The following TRIM9 variants were observed in gnomAD, a reference collection of about 807,000 sequenced individuals.
TRIM9 encodes the protein tripartite motif containing 9, also known as E3 ubiquitin-protein ligase TRIM9.
In TRIM9, 26 loss-of-function variants were observed where a neutral mutation model predicts 78.3. The ratio of observed to expected loss-of-function variants is 0.33; its 90% CI spans 0.24 to 0.46. The LOEUF (loss-of-function observed/expected upper bound fraction) is 0.46. TRIM9 is among the 20% of genes least tolerant of loss of function. The probability of loss-of-function intolerance (pLI) is 1.00; values close to 1 mark genes in which losing one functional copy is unlikely to be tolerated. For synonymous variants in TRIM9, 398 were observed against 416.5 expected (o/e 0.96, Z 0.54); for missense variants, 787 against 1,036.4 (o/e 0.76, Z 3.30).
rs147815688 is a variant in TRIM9 at position 51,093,670 on chromosome 14, C to T, written c.822+448G>A. ...CCGCCTATCCAGCAGCGACAGACTCCCGCCGTCCGCGCGACCCCACCGCCC... is the reference window on the plus strand; with the variant it reads ...CCGCCTATCCAGCAGCGACAGACTCTCGCCGTCCGCGCGACCCCACCGCCC... On this transcript the variant is annotated intron_variant, in intron 1 of 12. Coordinates refer to ENST00000684578, the MANE Select transcript of TRIM9 (RefSeq NM_001387360.1). Among the ~76,000 whole-genome samples the T allele has an allele frequency of 3.3e-3, 510 of 152,344 alleles. 4 individuals carry two copies. The highest frequency in any genetic ancestry group is 4.9e-3 in the Non-Finnish European group (335 of 68,042).
chr14:50,996,550 T>C, intron 7 of TRIM9: 1 of 985,424 alleles, frequency 1.0e-6, no homozygotes, highest in Non-Finnish European at 1.2e-6. Context: ...TACAAATTTC[T>C]CTCTGCTCTG....
rs1566537244 is a variant in TRIM9 at position 50,979,373 on chromosome 14, G to A, written c.2325+14C>T. ...CCAGCAACAGCTGTTTAACCTCAGG[G>A]GCAGGGTGCTTACCTGCACGTTCCT... is the stretch of plus-strand genomic sequence containing the variant. On this transcript the variant is annotated intron_variant, in intron 12 of 12. Coordinates refer to ENST00000684578, the MANE Select transcript of TRIM9 (RefSeq NM_001387360.1). 1.9e-6 allele frequency: 3 copies of A among 1,614,178 alleles called. No individual in the cohort carries two copies. Among genetic ancestry groups the A allele is most frequent in the South Asian group, 2.2e-5 (2 of 91,074 alleles).
At chr14:51,050,065 T>A (rs1368715787) in intron 1 of TRIM9, among the ~76,000 whole-genome samples, 1 of 152,076 alleles carries the variant, frequency 6.6e-6, no homozygotes, top group Non-Finnish European at 1.5e-5. Flanking sequence ...TAGTGGGGGA[T>A]TGATATTGAT....
intron 3 of TRIM9, among the ~76,000 whole-genome samples, chr14:51,020,614 G>C (rs1168136467): frequency 6.6e-6 from 1 of 152,246 alleles, no homozygotes; most frequent in Non-Finnish European, 1.5e-5. Flanking sequence ...AGAGGACATA[G>C]TCACGCGATG....
chr14:51,081,782 G>T (rs748816174), intron 1 of TRIM9, among the ~76,000 whole-genome samples: 3 of 152,174 alleles, frequency 2.0e-5, no homozygotes, highest in Non-Finnish European at 4.4e-5. Flanking sequence ...GTTTATTATG[G>T]AGGATACAAC....
intron 1 of TRIM9, among the ~76,000 whole-genome samples, chr14:51,032,416 G>T (rs1433276165): frequency 1.3e-5 from 2 of 152,244 alleles, no homozygotes; most frequent in East Asian, 3.8e-4. Context: ...GATTACCCTA[G>T]GAATTGCTCT....
chr14:51,074,507 C>A (rs2062581969), intron 1 of TRIM9, among the ~76,000 whole-genome samples: 1 of 152,180 alleles, frequency 6.6e-6, no homozygotes, highest in African/African-American at 2.4e-5. Flanking sequence ...TGAGAAGGCA[C>A]AAGCATATTT....
At chr14:51,011,647 C>G (rs954981371) in intron 3 of TRIM9, among the ~76,000 whole-genome samples, 1 of 152,124 alleles carries the variant, frequency 6.6e-6, no homozygotes, top group Non-Finnish European at 1.5e-5. Context: ...TTAAAATGTT[C>G]CTTGTTCCTT....
In TRIM9 at chr14:50,997,361, C is replaced by T. The variant is rs1186481129; in HGVS notation, c.1603+689G>A. 4 of 985,264 alleles carry T rather than the reference C, an allele frequency of 4.1e-6. No individual in the cohort carries two copies. In the African/African-American group the frequency reaches 5.2e-5, roughly 13 times the overall value. 61.0% of individuals were successfully genotyped at this position (985,264 alleles called of 1,614,324 possible). On this transcript the variant is annotated intron_variant, in intron 7 of 12. Transcript: ENST00000684578. ...TCTAGAGATGAACCTTGTATGGTGG[C>T]TCTCGGTAGCCTAGCCAAGACTGAA...
intron 1 of TRIM9, among the ~76,000 whole-genome samples, chr14:51,067,137 A>G (rs1360594003): frequency 6.6e-6 from 1 of 152,180 alleles, no homozygotes; most frequent in Non-Finnish European, 1.5e-5. Context: ...ACAAAAAACA[A>G]CTATTAATAT....
At chr14:50,995,787 C>T (rs2054138530) in intron 7 of TRIM9, among the ~76,000 whole-genome samples, 1 of 152,022 alleles carries the variant, frequency 6.6e-6, no homozygotes, top group Admixed American at 6.6e-5. Context: ...AAAAAAATCT[C>T]TAAAGCAAAC....
intron 12 of TRIM9, 66 bp downstream of exon 12, chr14:50,979,321 G>A (rs761716659): frequency 5.6e-6 from 9 of 1,613,184 alleles, no homozygotes; most frequent in South Asian, 4.4e-5. Flanking sequence ...TGGATTGAAC[G>A]GCCCTGGGCA....
chr14:51,081,554 A>T (rs1427742560), intron 1 of TRIM9, among the ~76,000 whole-genome samples: 1 of 152,168 alleles, frequency 6.6e-6, no homozygotes, highest in Non-Finnish European at 1.5e-5. Context: ...ATTCAATCCT[A>T]TTCTGACACA....
chr14:50,982,070 T>C lies in TRIM9; in HGVS notation c.1892A>G (p.His631Arg). ...AWFAFDPGSAHSDIILSNDNL... is the reference protein window; with the variant it reads ...AWFAFDPGSARSDIILSNDNL... The stretch of plus-strand genomic sequence containing the variant: ...GTCATTGGAGAGGATGATGTCCGAG[T>C]GCGCCGAGCCAGGGTCGAAAGCAAA... The change falls in exon 11 of 13, where the codon CAC (histidine) becomes CGC (arginine). Residue 631 changes from histidine to arginine, a missense_variant. This residue lies in a region of TRIM9 where 421 missense variants were observed against 514.3 expected (regional missense o/e 0.82). Transcript: ENST00000684578. The C allele has an allele frequency of 1.2e-6, 2 of 1,614,002 alleles. No individual in the cohort carries two copies. The highest frequency in any genetic ancestry group is 1.7e-6 in the Non-Finnish European group (2 of 1,179,966).
rs1180905808 is a variant in TRIM9 at position 50,976,962 on chromosome 14, A to G, written c.*329T>C. ...TAAGTCACCAATAACCTGATCAGAA[A>G]AGAAAGAAAATATAACTCACCTACA... is the stretch of plus-strand genomic sequence containing the variant. On this transcript the variant is annotated 3_prime_UTR_variant, in exon 13 of 13. Transcript: ENST00000684578. 2.6e-5 allele frequency: 5 copies of G among 193,498 alleles called. No homozygotes were observed. Among genetic ancestry groups the G allele is most frequent in the East Asian group, 2.3e-4 (2 of 8,696 alleles). 12.0% of individuals were successfully genotyped at this position (193,498 alleles called of 1,614,324 possible). A position where few individuals can be genotyped will look rare whatever the true frequency, so the allele number is the denominator to read the frequency against.
At chr14:51,061,215 C>T (rs1315522909) in intron 1 of TRIM9, among the ~76,000 whole-genome samples, 1 of 151,900 alleles carries the variant, frequency 6.6e-6, no homozygotes, top group East Asian at 1.9e-4. Context: ...GAGTTTGAGA[C>T]CAGCCTGGCC....
rs116017431 is a variant in TRIM9 at position 51,030,274 on chromosome 14, G to A, written c.823-4914C>T. 9.3e-3 allele frequency among the ~76,000 whole-genome samples: 1,412 copies of A among 152,326 alleles called. 22 individuals carry two copies. The highest frequency in any genetic ancestry group is 0.031 in the African/African-American group (1,289 of 41,568). On this transcript the variant is annotated intron_variant, in intron 1 of 12. Coordinates refer to ENST00000684578, the MANE Select transcript of TRIM9 (RefSeq NM_001387360.1). Reference sequence around the variant, plus strand: ...GGAACCATCAAGCTGAGCTGTCCAAGGGTCCTGATTCCCCCTCTAGGAAAC... The same window carrying A: ...GGAACCATCAAGCTGAGCTGTCCAAAGGTCCTGATTCCCCCTCTAGGAAAC...
At chr14:51,005,009 C>T (rs116968429) in intron 5 of TRIM9, among the ~76,000 whole-genome samples, 4,593 of 152,250 alleles carry the variant, frequency 0.03, 96 homozygotes, top group Non-Finnish European at 0.05. Context: ...CTGTCATTCC[C>T]CTTTATGGTG....
At chr14:51,008,162 T>C (rs978571179) in intron 5 of TRIM9, among the ~76,000 whole-genome samples, 4 of 152,106 alleles carry the variant, frequency 2.6e-5, no homozygotes, top group South Asian at 2.1e-4. Flanking sequence ...GGGAGGGCTA[T>C]GACTTTAAAG....
Sources: gnomAD v4.1 joint callset for allele counts (sites outside exome capture counted in the v4.1 genomes callset) on GRCh38, gnomAD v4.1.1 for gene constraint, gnomAD v4.1.1 regional missense constraint, MANE v1.5 for transcripts, NCBI Gene and HGNC (gene_info 2026-07-23, HGNC 2026-07-21) for gene names.